UNC13C: variants seen among roughly 807,000 people sequenced by gnomAD.
UNC13C encodes protein unc-13 homolog C.
Under a neutral mutation model 245.4 loss-of-function variants are expected in UNC13C, and 174 were observed. The observed-to-expected ratio is 0.71, with a 90% CI of 0.63 to 0.80. The LOEUF is 0.80. Among genes scored for constraint, UNC13C ranks in the 30% least tolerant of loss-of-function variants. The probability of loss-of-function intolerance (pLI) is 0.00; values close to 1 mark genes in which losing one functional copy is unlikely to be tolerated. For synonymous variants in UNC13C, 992 were observed against 895.1 expected, an observed-to-expected ratio of 1.11 and a Z score of -1.93; for missense variants, 2,829 against 2,602.9, an observed-to-expected ratio of 1.09 and a Z score of -1.89.
the UNC13C span, among the ~76,000 whole-genome samples, chr15:53,949,595 A>G: frequency 6.6e-6 from 1 of 152,164 alleles, no homozygotes; most frequent in Admixed American, 6.6e-5. Flanking sequence ...TCATCTGATT[A>G]TATATCCCAG....
In UNC13C at chr15:54,457,995, T is replaced by A. The variant is rs530195103; in HGVS notation, c.4934-36613T>A. Among the ~76,000 whole-genome samples the A allele has an allele frequency of 1.3e-3, 195 of 151,632 alleles. 1 individual carries two copies. The highest frequency in any genetic ancestry group is 4.6e-3 in the African/African-American group (189 of 41,414). ...GTGAGCTTATATTGTCTACTTGTGC[T>A]GTTTCAGATATTTAGATGTAGGCAT... On this transcript the variant is annotated intron_variant, in intron 19 of 32. Transcript: ENST00000260323.
At chr15:54,024,502 T>C (rs1235022615) in intron 2 of UNC13C, among the ~76,000 whole-genome samples, 1 of 152,230 alleles carries the variant, frequency 6.6e-6, no homozygotes, top group African/African-American at 2.4e-5. Flanking sequence ...TAGAACTGTT[T>C]CCTGCACTAA....
intron 7 of UNC13C, among the ~76,000 whole-genome samples, chr15:54,241,646 G>C (rs573617527): frequency 6.6e-6 from 1 of 152,184 alleles, no homozygotes; most frequent in Non-Finnish European, 1.5e-5. Flanking sequence ...TTACCTCACA[G>C]TTTGTGAGAA....
At chr15:54,592,352 G>A (rs1033017988) in intron 30 of UNC13C, among the ~76,000 whole-genome samples, 2 of 152,048 alleles carry the variant, frequency 1.3e-5, no homozygotes, top group African/African-American at 2.4e-5. Flanking sequence ...TTTCTTTGTC[G>A]ACTTTCTGTC....
At chr15:54,222,587 C>T (rs2035258424) in intron 4 of UNC13C, among the ~76,000 whole-genome samples, 2 of 152,002 alleles carry the variant, frequency 1.3e-5, no homozygotes, top group Admixed American at 6.6e-5. Flanking sequence ...ATACTGATTT[C>T]CTTTCCTTTG....
At chr15:54,255,816 T>C (rs935108676) in intron 8 of UNC13C, among the ~76,000 whole-genome samples, 1 of 152,212 alleles carries the variant, frequency 6.6e-6, no homozygotes, top group African/African-American at 2.4e-5. Flanking sequence ...CCCTTCCATA[T>C]CGCTACCACC....
chr15:54,193,198 T>C (rs2141329682), intron 4 of UNC13C, among the ~76,000 whole-genome samples: 1 of 152,260 alleles, frequency 6.6e-6, no homozygotes, highest in South Asian at 2.1e-4. Flanking sequence ...AGATTTGGGC[T>C]TTAAGACAAT....
chr15:54,351,177 A>ACT (rs2140842157), intron 17 of UNC13C, among the ~76,000 whole-genome samples: 1 of 152,192 alleles, frequency 6.6e-6, no homozygotes, highest in South Asian at 2.1e-4. Context: ...CAATTGTTTG[A>ACT]CTCTAGTATT....
At chr15:54,118,156 T>C (rs970554309) in intron 2 of UNC13C, among the ~76,000 whole-genome samples, 1 of 152,188 alleles carries the variant, frequency 6.6e-6, no homozygotes, top group South Asian at 2.1e-4. Context: ...CGTGGTTCCA[T>C]ATAAATTTTA....
intron 30 of UNC13C, among the ~76,000 whole-genome samples, chr15:54,571,768 G>A (rs892381982): frequency 6.6e-6 from 1 of 152,192 alleles, no homozygotes; most frequent in Non-Finnish European, 1.5e-5. Flanking sequence ...AGTGCCAGAG[G>A]GTTAATGCCT....
intron 13 of UNC13C, 134 bp from the exon 14 acceptor site, chr15:54,321,803 TCA>T: frequency 7.6e-6 from 7 of 918,820 alleles, no homozygotes; most frequent in Non-Finnish European, 1.1e-5. Context: ...TGTTTTTCTT[TCA>T]ATTAGAGATT....
At chr15:54,132,736 A>G (rs1284914664) in intron 2 of UNC13C, among the ~76,000 whole-genome samples, 1 of 152,186 alleles carries the variant, frequency 6.6e-6, no homozygotes, top group Non-Finnish European at 1.5e-5. Context: ...CACATGTATC[A>G]AAGTCGTATC....
chr15:53,918,241 C>T, the UNC13C span, among the ~76,000 whole-genome samples: 1 of 152,112 alleles, frequency 6.6e-6, no homozygotes, highest in Non-Finnish European at 1.5e-5. Context: ...GAGTCTTCAG[C>T]CCCTGAGTGT....
At chr15:54,349,426 C>T (rs2038931587) in intron 17 of UNC13C, among the ~76,000 whole-genome samples, 1 of 151,262 alleles carries the variant, frequency 6.6e-6, no homozygotes, top group Non-Finnish European at 1.5e-5. Flanking sequence ...CAATAACATA[C>T]ATAGTATGTT....
At chr15:54,235,733 C>A (rs1006753707) in intron 5 of UNC13C, among the ~76,000 whole-genome samples, 3 of 152,140 alleles carry the variant, frequency 2.0e-5, no homozygotes, top group Non-Finnish European at 4.4e-5. Context: ...CACCTGTAGT[C>A]CCAGCTACTC....
intron 4 of UNC13C, among the ~76,000 whole-genome samples, chr15:54,156,378 A>T (rs2032745854): frequency 1.3e-5 from 2 of 152,338 alleles, no homozygotes; most frequent in African/African-American, 4.8e-5. Flanking sequence ...TGTAGAAGCC[A>T]TCACTGCTGA....
rs533665577 is a variant in UNC13C at position 54,083,993 on chromosome 15, G to C, written c.2984-59025G>C. Among the ~76,000 whole-genome samples, 4 of 152,334 alleles carry C rather than the reference G, an allele frequency of 2.6e-5. No homozygotes were observed. The South Asian group carries it at 8.3e-4, about 32-fold the overall frequency. On this transcript the variant is annotated intron_variant, in intron 2 of 32. Coordinates refer to ENST00000260323, the MANE Select transcript of UNC13C (RefSeq NM_001080534.3). Reference sequence around the variant, plus strand: ...AAGTTTCCAAATCGCCACGGACAGTGTTGTCCAGGGCTGTGAGTGCAGGGG... The same window carrying C: ...AAGTTTCCAAATCGCCACGGACAGTCTTGTCCAGGGCTGTGAGTGCAGGGG...
chr15:54,042,769 C>T (rs1046065022), intron 2 of UNC13C, among the ~76,000 whole-genome samples: 3 of 152,064 alleles, frequency 2.0e-5, no homozygotes, highest in Non-Finnish European at 2.9e-5. Context: ...AGGAGAATGG[C>T]GTGAACCCGG....
chr15:54,156,979 G>C (rs1002692456), intron 4 of UNC13C, among the ~76,000 whole-genome samples: 3 of 151,924 alleles, frequency 2.0e-5, no homozygotes, highest in African/African-American at 7.3e-5. Flanking sequence ...GGGTGGGTGT[G>C]GCCAACCTGG....
Sources: gnomAD v4.1 joint callset for allele counts (sites outside exome capture counted in the v4.1 genomes callset) on GRCh38, gnomAD v4.1.1 for gene constraint, MANE v1.5 for transcripts, NCBI Gene and HGNC (gene_info 2026-07-23, HGNC 2026-07-21) for gene names.